The following GPR39 variants were observed in gnomAD, a reference collection of about 807,000 sequenced individuals.
GPR39 encodes G protein-coupled receptor 39, also known as zinc sensing receptor.
A neutral mutation model predicts 18.4 loss-of-function variants in GPR39; 23 were observed. That is an observed-to-expected ratio of 1.25 (90% CI 0.90 to 1.77). The LOEUF is 1.77. Among genes scored for constraint, GPR39 ranks in the 40% most tolerant of loss-of-function variants. The pLI is 0.00. For missense variants in GPR39, 647 were observed against 602.4 expected (o/e 1.07, Z -0.78); for synonymous variants, 280 against 257.9 (o/e 1.09, Z -0.82).
intron 1 of GPR39, chr2:132,488,735 G>C (rs1681394414): frequency 6.5e-6 from 1 of 153,966 alleles, no homozygotes; most frequent in Non-Finnish European, 1.5e-5. Flanking sequence ...TGTCATTGCT[G>C]TCCTCTCTCG....
rs1682051776 is a variant in GPR39 at position 132,646,005 on chromosome 2, TGG to T, written c.*400_*401del. 1 of 1,449,440 alleles carries T rather than the reference TGG, an allele frequency of 6.9e-7. No homozygotes were observed. The highest frequency in any genetic ancestry group is 2.3e-5 in the Admixed American group (1 of 42,666). 89.8% of individuals were successfully genotyped at this position (1,449,440 alleles called of 1,614,324 possible). A position where few individuals can be genotyped will look rare whatever the true frequency, so the allele number is the denominator to read the frequency against. On this transcript the variant is annotated 3_prime_UTR_variant, in exon 2 of 2. Transcript: ENST00000329321. ...GAGGTGGGGGGTTGGGGGCGAGGGC[TGG>T]AAGAACAATGCAGGAGGGGGTGGCA...
chr2:132,591,257 C>CAAAAA (rs747314988), intron 1 of GPR39, among the ~76,000 whole-genome samples: 322 of 24,552 alleles, frequency 0.013, 28 homozygotes, highest in African/African-American at 0.066. Context: ...GACTCCGTCT[C>CAAAAA]AAAAAAAAAA....
intron 1 of GPR39, among the ~76,000 whole-genome samples, chr2:132,544,086 T>C (rs1679903026): frequency 6.6e-6 from 1 of 152,192 alleles, no homozygotes; most frequent in Admixed American, 6.5e-5. Context: ...TAAGTGATAG[T>C]GGTCAGCACT....
At chr2:132,562,420 C>T (rs1485098383) in intron 1 of GPR39, among the ~76,000 whole-genome samples, 2 of 152,152 alleles carry the variant, frequency 1.3e-5, no homozygotes, top group Admixed American at 6.5e-5. Flanking sequence ...ATTCTTCAGC[C>T]TCATTCCGTG....
intron 1 of GPR39, among the ~76,000 whole-genome samples, chr2:132,460,583 G>C (rs928473529): frequency 3.3e-5 from 5 of 152,132 alleles, no homozygotes; most frequent in Non-Finnish European, 5.9e-5. Flanking sequence ...GTCAGTAGGA[G>C]ACTCAGTGGA....
Position 132,622,579 on chromosome 2 carries a change from C to T in GPR39, c.857-22522C>T, listed in dbSNP as rs1277243577. Among the ~76,000 whole-genome samples, 6 of 152,200 alleles carry T rather than the reference C, an allele frequency of 3.9e-5. 1 individual carries two copies. The South Asian group carries it at 1.0e-3, about 26-fold the overall frequency. Reference sequence around the variant, plus strand: ...TTGCAGGTAAAGCCATAAATCAATACCTGGAAGGTATATATTGATTCAGCC... The same window carrying T: ...TTGCAGGTAAAGCCATAAATCAATATCTGGAAGGTATATATTGATTCAGCC... On this transcript the variant is annotated intron_variant, in intron 1 of 1. Transcript: ENST00000329321.
At chr2:132,430,141 G>A (rs1411203958) in intron 1 of GPR39, among the ~76,000 whole-genome samples, 2 of 152,328 alleles carry the variant, frequency 1.3e-5, no homozygotes, top group East Asian at 3.9e-4. Flanking sequence ...AGTGATCATG[G>A]GTTCTGATGA....
chr2:132,422,296 A>T lies in GPR39; in HGVS notation c.856+4398A>T, dbSNP rs6713994. Among the ~76,000 whole-genome samples, 692 of 152,290 alleles carry T rather than the reference A, an allele frequency of 4.5e-3. 6 individuals are homozygous for T. Among genetic ancestry groups the T allele is most frequent in the African/African-American group, 0.016 (647 of 41,562 alleles). Reference sequence around the variant, plus strand: ...AATCTTTGCTTGTCAGTGGCGTGGCATTTGAATCATCTGTTTCTTCAGCTT... The same window carrying T: ...AATCTTTGCTTGTCAGTGGCGTGGCTTTTGAATCATCTGTTTCTTCAGCTT... On this transcript the variant is annotated intron_variant, in intron 1 of 1. Coordinates refer to ENST00000329321, the MANE Select transcript of GPR39 (RefSeq NM_001508.3).
At chr2:132,493,389 T>TATAC (rs2104798390) in intron 1 of GPR39, among the ~76,000 whole-genome samples, 1 of 147,104 alleles carries the variant, frequency 6.8e-6, no homozygotes, top group East Asian at 2.0e-4. Flanking sequence ...ACACCGTATA[T>TATAC]ATACACACCA....
Position 132,490,399 on chromosome 2 carries a change from C to T in GPR39, c.856+72501C>T, listed in dbSNP as rs1266336258. On this transcript the variant is annotated intron_variant, in intron 1 of 1. Coordinates refer to ENST00000329321, the MANE Select transcript of GPR39 (RefSeq NM_001508.3). Reference sequence around the variant, plus strand: ...CTGCTTGTCCTCGGAATTCTTTAACCATCAGCTGTAGATTTAGACCGAGGA... The same window carrying T: ...CTGCTTGTCCTCGGAATTCTTTAACTATCAGCTGTAGATTTAGACCGAGGA... Among the ~76,000 whole-genome samples the T allele has an allele frequency of 1.3e-5, 2 of 151,878 alleles. 1 individual carries two copies. Among genetic ancestry groups the T allele is most frequent in the African/African-American group, 4.9e-5 (2 of 41,216 alleles).
chr2:132,432,751 G>C (rs975609283), intron 1 of GPR39, among the ~76,000 whole-genome samples: 1 of 152,142 alleles, frequency 6.6e-6, no homozygotes, highest in Non-Finnish European at 1.5e-5. Flanking sequence ...AGACACTGCT[G>C]TGCATAGGTA....
At chr2:132,601,782 C>G (rs1265508907) in intron 1 of GPR39, among the ~76,000 whole-genome samples, 2 of 151,822 alleles carry the variant, frequency 1.3e-5, no homozygotes, top group Non-Finnish European at 2.9e-5. Flanking sequence ...AACGACCTAG[C>G]TGAAAAAGAA....
At chr2:132,488,860 TCTC>T (rs1317559703) in intron 1 of GPR39, 1 of 166,074 alleles carries the variant, frequency 6.0e-6, no homozygotes, top group Non-Finnish European at 1.3e-5. Flanking sequence ...CTCCACTTCT[TCTC>T]CCTGCAAGGG....
At chr2:132,596,067 T>TGC (rs1229774824) in intron 1 of GPR39, among the ~76,000 whole-genome samples, 1 of 152,144 alleles carries the variant, frequency 6.6e-6, no homozygotes, top group African/African-American at 2.4e-5. Flanking sequence ...CAAGCTGGCC[T>TGC]GCACCCCAGC....
At chr2:132,539,769 C>A (rs1274721830) in intron 1 of GPR39, among the ~76,000 whole-genome samples, 1 of 152,100 alleles carries the variant, frequency 6.6e-6, no homozygotes, top group African/African-American at 2.4e-5. Flanking sequence ...AAGGCTTTCC[C>A]AGATAAGACA....
intron 1 of GPR39, among the ~76,000 whole-genome samples, chr2:132,567,039 AG>A (rs1209998971): frequency 6.6e-6 from 1 of 152,224 alleles, no homozygotes; most frequent in African/African-American, 2.4e-5. Context: ...AGTATTAAGA[AG>A]TGGAGCCTTT....
intron 1 of GPR39, among the ~76,000 whole-genome samples, chr2:132,530,057 G>A (rs1313334481): frequency 6.6e-6 from 1 of 152,082 alleles, no homozygotes; most frequent in East Asian, 1.9e-4. Context: ...CCTACTCTGA[G>A]CTAAAGGAGG....
rs188046295 is a variant in GPR39, at chr2:132,465,654, C to T, written c.856+47756C>T. Among the ~76,000 whole-genome samples the T allele has an allele frequency of 5.9e-5, 9 of 152,248 alleles. No homozygotes were observed. The East Asian group carries it at 1.2e-3, about 20-fold the overall frequency. ...GTCAAACATGCTAAGGTTGTCACAG[C>T]GTTTGAAGGAGAACTACTTACTGCT... On this transcript the variant is annotated intron_variant, in intron 1 of 1. Transcript: ENST00000329321.
At chr2:132,548,704 A>C (rs1679989183) in intron 1 of GPR39, among the ~76,000 whole-genome samples, 1 of 152,252 alleles carries the variant, frequency 6.6e-6, no homozygotes, top group Non-Finnish European at 1.5e-5. Flanking sequence ...ACTGCAAAAT[A>C]GGGAAAGCAA....
Sources: allele counts gnomAD v4.1 joint callset (sites outside exome capture counted in the v4.1 genomes callset), GRCh38; gene constraint gnomAD v4.1.1; transcripts MANE v1.5; gene names NCBI Gene and HGNC (gene_info 2026-07-23, HGNC 2026-07-21).